The following CEP164 variants were observed in gnomAD, a reference collection of about 807,000 sequenced individuals.
CEP164 encodes centrosomal protein of 164 kDa.
Under a neutral mutation model 182.7 loss-of-function variants are expected in CEP164, and 162 were observed. That is an observed-to-expected ratio of 0.89 (90% CI 0.78 to 1.01). CEP164 has a LOEUF of 1.01. CEP164 is among the 50% of genes least tolerant of loss of function. The pLI is 0.00. For synonymous variants in CEP164, 661 were observed against 690.0 expected (o/e 0.96, Z 0.66); for missense variants, 1,735 against 1,790.4 (o/e 0.97, Z 0.56).
At chr11:117,339,515 GTTTTTTGTTTTTTTTTTT>G (rs761307688) in intron 3 of CEP164, among the ~76,000 whole-genome samples, 1 of 90,870 alleles carries the variant, frequency 1.1e-5, no homozygotes, top group Non-Finnish European at 2.1e-5. Flanking sequence ...CTTTTCCTTT[GTTTTTTGTTTTTTTTTTT>G]TTTTTTTTTT....
intron 27 of CEP164, among the ~76,000 whole-genome samples, chr11:117,406,023 G>T (rs2046637904): frequency 6.6e-6 from 1 of 152,152 alleles, no homozygotes; most frequent in South Asian, 2.1e-4. Context: ...CCTCCAAACT[G>T]TTCCAGCCTC....
Position 117,394,335 on chromosome 11 carries a change from C to T in CEP164, c.2617-15C>T. 6.3e-7 allele frequency: 1 copy of T among 1,584,030 alleles called. No individual in the cohort carries two copies. Among genetic ancestry groups the T allele is most frequent in the Non-Finnish European group, 8.6e-7 (1 of 1,165,184 alleles). ...CTGCCGCAGCTTCCCACCGGTGGGC[C>T]CACCCTCCTTGCAGGAGAGGAAGCA... On this transcript the variant is annotated splice_polypyrimidine_tract_variant and intron_variant, in intron 20 of 32. Coordinates refer to ENST00000278935, the MANE Select transcript of CEP164 (RefSeq NM_014956.5). This position sits in a 1 kb window ranked among gnomAD's most constrained non-coding sequence, Gnocchi z 4.0.
chr11:117,323,444 G>T (rs968442695), upstream of CEP164, among the ~76,000 whole-genome samples: 7 of 151,792 alleles, frequency 4.6e-5, no homozygotes, highest in Middle Eastern at 3.2e-3. Context: ...TTTTATGGCT[G>T]AATGTTATAT....
chr11:117,375,312 G>C (rs1046659667), intron 10 of CEP164, among the ~76,000 whole-genome samples: 1 of 152,192 alleles, frequency 6.6e-6, no homozygotes, highest in Non-Finnish European at 1.5e-5. Context: ...CTTATCAGCT[G>C]TGTGACCCTG....
rs569121040 is a variant in CEP164, at chr11:117,349,313, C to T, written c.195-2477C>T. Among the ~76,000 whole-genome samples, 8 of 152,140 alleles carry T rather than the reference C, an allele frequency of 5.3e-5. No individual in the cohort carries two copies. The South Asian group carries it at 8.3e-4, about 16-fold the overall frequency. ...AACCACTGTGCCCAGCCCTGTTTAT[C>T]AATTTATCTATCAATGGACATTTGG... is the stretch of plus-strand genomic sequence containing the variant. On this transcript the variant is annotated intron_variant, in intron 4 of 32. Transcript: ENST00000278935.
rs376068722 is a variant in CEP164 at position 117,333,773 on chromosome 11, C to T, written c.-97-1832C>T. Among the ~76,000 whole-genome samples the T allele has an allele frequency of 3.4e-4, 51 of 151,690 alleles. 1 individual carries two copies. In the South Asian group the frequency reaches 9.0e-3, roughly 27 times the overall value. The stretch of plus-strand genomic sequence containing the variant: ...GTGGTCTTGAACTCCTGGGCTCAAG[C>T]GATCCTCCTGCTTTGGCCTCCCAAA... On this transcript the variant is annotated intron_variant, in intron 1 of 32. Transcript: ENST00000278935.
chr11:117,407,234 T>C (rs2046793229), intron 27 of CEP164, among the ~76,000 whole-genome samples: 1 of 151,952 alleles, frequency 6.6e-6, no homozygotes, highest in African/African-American at 2.4e-5. Flanking sequence ...CTTCCCAGGG[T>C]TATATACATG....
At chr11:117,365,783 T>C (rs1016688621) in intron 8 of CEP164, among the ~76,000 whole-genome samples, 1 of 152,068 alleles carries the variant, frequency 6.6e-6, no homozygotes, top group Admixed American at 6.5e-5. Flanking sequence ...TTTCACCATG[T>C]TGGCCAGGCT....
intron 14 of CEP164, 44 bp downstream of exon 14, chr11:117,382,986 G>A (rs1406318234): frequency 3.8e-6 from 6 of 1,590,472 alleles, no homozygotes; most frequent in Admixed American, 1.7e-5. Flanking sequence ...TCCACTGCGT[G>A]TGGGCTGCTT....
chr11:117,387,219 G>A lies in CEP164; in HGVS notation c.1741G>A (p.Val581Met). ...CCATGGTAGGCGATCCACAGAGCCT[G>A]TGGCTCCCCCAGAGCAGCTCTCAGA... ...VSPEVRSTEP[V>M]APPEQLSEAA... is the part of the protein sequence containing the mutation. The change falls in exon 15 of 33, where the codon GTG becomes ATG. Residue 581 changes from valine to methionine, a missense_variant. Physicochemically the swap from Val to Met is conservative, Grantham distance 21 (BLOSUM62 1). Transcript: ENST00000278935. 1 of 1,614,174 alleles carries A rather than the reference G, an allele frequency of 6.2e-7. No individual in the cohort carries two copies.
In CEP164 at chr11:117,371,222, G is replaced by A; in HGVS notation, c.908G>A (p.Gly303Glu). The A allele has an allele frequency of 3.7e-6, 6 of 1,614,220 alleles. No individual in the cohort carries two copies. The highest frequency in any genetic ancestry group is 5.1e-6 in the Non-Finnish European group (6 of 1,180,040). ...LSSAVGKGRQ[G>E]SGARPGLPEK... ...AGTGCTGTTGGCAAAGGGCGACAGG[G>A]AAGTGGAGCAAGACCTGGTCTTCCA... The change falls in exon 9 of 33, where the codon GGA (glycine) becomes GAA (glutamate). Residue 303 changes from glycine to glutamate, a missense_variant. Gly to Glu is a moderately conservative substitution (Grantham distance 98, BLOSUM62 -2). Coordinates refer to ENST00000278935, the MANE Select transcript of CEP164 (RefSeq NM_014956.5).
chr11:117,392,911 G>T, intron 19 of CEP164, 93 bp from the exon 20 acceptor site: 1 of 1,565,584 alleles, frequency 6.4e-7, no homozygotes, highest in Non-Finnish European at 8.7e-7. Flanking sequence ...GGGGGAGATT[G>T]GGGAAATGTG....
intron 6 of CEP164, 51 bp from the exon 7 acceptor site, chr11:117,362,353 T>C (rs776479824): frequency 1.9e-5 from 30 of 1,585,546 alleles, no homozygotes; most frequent in Middle Eastern, 3.6e-4. Context: ...CTAAAGGTCA[T>C]TCCAAAGGTC....
chr11:117,409,762 C>G lies in CEP164; in HGVS notation c.3893C>G (p.Pro1298Arg). Reference protein sequence around the residue: ...QSPPPLLASMPAQLPPRDPKS... With the variant: ...QSPPPLLASMRAQLPPRDPKS... ...CCGCCGCCGCTCCTCGCCTCCATGCCAGCCCAGCTCCCTCCCCGGGACCCT... is the reference window on the plus strand; with the variant it reads ...CCGCCGCCGCTCCTCGCCTCCATGCGAGCCCAGCTCCCTCCCCGGGACCCT... Residue 1298 changes from proline to arginine, a missense_variant, in exon 30 of 33, where the codon CCA (proline) becomes CGA (arginine). Physicochemically the swap from Pro to Arg is moderately radical, Grantham distance 103 (BLOSUM62 -2). Coordinates refer to ENST00000278935, the MANE Select transcript of CEP164 (RefSeq NM_014956.5). The surrounding 1 kb of genome is among the most constrained non-coding windows in gnomAD (Gnocchi z 4.4). 6.2e-7 allele frequency: 1 copy of G among 1,614,040 alleles called. No homozygotes were observed. Among genetic ancestry groups the G allele is most frequent in the Non-Finnish European group, 8.5e-7 (1 of 1,179,944 alleles).
At position 117,343,571 on chromosome 11, in the gene CEP164, G is replaced by C. The variant is rs1031711789; in HGVS notation, c.83-595G>C. On this transcript the variant is annotated intron_variant, in intron 3 of 32. Transcript: ENST00000278935. ...TGGATGGTTCTGCCTATGGTTTGGG[G>C]GTTCTTCCCTCTGAGGCCCCTGCTG... 2.5e-4 allele frequency among the ~76,000 whole-genome samples: 38 copies of C among 152,006 alleles called. 1 individual carries two copies. Among genetic ancestry groups the C allele is most frequent in the African/African-American group, 8.7e-4 (36 of 41,448 alleles).
chr11:117,358,229 C>CA (rs2040526971), intron 5 of CEP164, among the ~76,000 whole-genome samples: 1 of 152,170 alleles, frequency 6.6e-6, no homozygotes, highest in Non-Finnish European at 1.5e-5. Context: ...GCCCCATACT[C>CA]AGAGTTAATG....
chr11:117,410,010 C>T (rs777306299), intron 30 of CEP164, 45 bp downstream of exon 30: 4 of 1,455,930 alleles, frequency 2.7e-6, no homozygotes, highest in Admixed American at 1.9e-5. Flanking sequence ...CCTCCTCCTC[C>T]TCCTCTTCCT....
chr11:117,368,233 G>C (rs2041855573), intron 8 of CEP164, among the ~76,000 whole-genome samples: 1 of 152,236 alleles, frequency 6.6e-6, no homozygotes. Context: ...AGGCATCCTG[G>C]AAGAGGTGAT....
chr11:117,382,691 GTC>G lies in CEP164; in HGVS notation c.1578-99_1578-98del. The G allele has an allele frequency of 2.2e-6, 3 of 1,356,884 alleles. No homozygotes were observed. In the South Asian group the frequency reaches 4.1e-5, roughly 19 times the overall value. The allele number at this position is 1,356,884 out of a possible 1,614,324, so 84.1% of individuals were successfully genotyped here. On this transcript the variant is annotated intron_variant, in intron 13 of 32. Transcript: ENST00000278935. ...CCCGAGGTAGGGAAATTGTTGGGCT[GTC>G]TCTCTTGTCTCTGTCATAGCTCTTT... is the stretch of plus-strand genomic sequence containing the variant.
Sources: gnomAD v4.1 joint callset for allele counts (sites outside exome capture counted in the v4.1 genomes callset) on GRCh38, gnomAD v4.1.1 for gene constraint, Gnocchi (gnomAD v3.1) non-coding constraint, MANE v1.5 for transcripts, NCBI Gene and HGNC (gene_info 2026-07-23, HGNC 2026-07-21) for gene names.